The following KLHL2 variants were observed in gnomAD, a reference collection of about 807,000 sequenced individuals.
KLHL2 encodes the protein kelch-like protein 2.
In KLHL2, 15 loss-of-function variants were observed where a neutral mutation model predicts 75.8. The observed-to-expected ratio is 0.20, with a 90% CI of 0.13 to 0.30. KLHL2 has a LOEUF of 0.30. KLHL2 is among the 10% of genes least tolerant of loss of function. KLHL2 has a pLI of 1.00. For synonymous variants in KLHL2, 214 were observed against 251.9 expected, an observed-to-expected ratio of 0.85 and a Z score of 1.42; for missense variants, 381 against 741.0, an observed-to-expected ratio of 0.51 and a Z score of 5.64.
rs1003196765 is a variant in KLHL2 at position 165,207,610 on chromosome 4, G to T, written c.-267G>T. ...GCCGGGGCCGAACCCGGAAGTGGCC[G>T]AGCCCGCGCGCCCGCCGGTCCCGTC... On this transcript the variant is annotated 5_prime_UTR_variant, in exon 1 of 15. Transcript: ENST00000226725. The surrounding 1 kb of genome is among the most constrained non-coding windows in gnomAD (Gnocchi z 4.2). The T allele has an allele frequency of 6.7e-6, 1 of 149,112 alleles. No individual in the cohort carries two copies. The highest frequency in any genetic ancestry group is 6.7e-5 in the Admixed American group (1 of 14,912). The allele number at this position is 149,112 out of a possible 1,614,324, so 9.2% of individuals were successfully genotyped here.
At chr4:165,213,902 C>A (rs1737365458) in intron 1 of KLHL2, among the ~76,000 whole-genome samples, 1 of 152,180 alleles carries the variant, frequency 6.6e-6, no homozygotes. Flanking sequence ...ACTTTGTTTA[C>A]ATTCATATAG....
At chr4:165,225,168 A>T (rs1184911166) in intron 2 of KLHL2, among the ~76,000 whole-genome samples, 2 of 152,158 alleles carry the variant, frequency 1.3e-5, no homozygotes, top group Admixed American at 1.3e-4. Context: ...GTTTTATATT[A>T]AGCCTATCTA....
chr4:165,286,002 G>A (rs1179442911), intron 5 of KLHL2, among the ~76,000 whole-genome samples: 3 of 152,124 alleles, frequency 2.0e-5, no homozygotes, highest in Non-Finnish European at 4.4e-5. Flanking sequence ...CTCAGATTGG[G>A]CAAGATGTTT....
chr4:165,279,612 A>G (rs779783237), intron 5 of KLHL2: 27 of 1,611,142 alleles, frequency 1.7e-5, no homozygotes, highest in African/African-American at 2.7e-5. Flanking sequence ...GCCCCCACCA[A>G]TGGCCCCAAA....
chr4:165,229,674 C>CCCCAAAAGCTTCCTGT (rs1321304291), intron 3 of KLHL2, among the ~76,000 whole-genome samples: 6 of 152,174 alleles, frequency 3.9e-5, no homozygotes, highest in Non-Finnish European at 8.8e-5. Flanking sequence ...CAGCTTCCTG[C>CCCCAAAAGCTTCCTGT]CCCAAAAGCT....
intron 1 of KLHL2, among the ~76,000 whole-genome samples, chr4:165,217,780 T>A (rs1333951803): frequency 6.6e-6 from 1 of 152,218 alleles, no homozygotes; most frequent in African/African-American, 2.4e-5. Context: ...TGACTCCAGC[T>A]AAACTTTTCT....
At chr4:165,315,520 CTCAA>C (rs1320327738) in intron 13 of KLHL2, among the ~76,000 whole-genome samples, 1 of 152,164 alleles carries the variant, frequency 6.6e-6, no homozygotes, top group Non-Finnish European at 1.5e-5. Flanking sequence ...GTTTTTCCTT[CTCAA>C]TCAATGATGT....
At chr4:165,277,975 T>C (rs1308176522) in intron 5 of KLHL2, 1 of 1,165,584 alleles carries the variant, frequency 8.6e-7, no homozygotes. Context: ...ATCCATGAGT[T>C]GGTAGGTTTT....
Position 165,263,373 on chromosome 4 carries a change from A to T in KLHL2, c.544+14A>T, listed in dbSNP as rs202157143. The stretch of plus-strand genomic sequence containing the variant: ...ACACCTATGCAGGCAAGTGGAGTAG[A>T]CCTCAGCTGAATTTGGGAGGAAACT... On this transcript the variant is annotated intron_variant, in intron 5 of 14. Transcript: ENST00000226725. The T allele has an allele frequency of 6.8e-6, 11 of 1,607,566 alleles. No homozygotes were observed. The highest frequency in any genetic ancestry group is 9.4e-6 in the Non-Finnish European group (11 of 1,175,090).
chr4:165,259,238 G>A (rs1461444955), intron 4 of KLHL2, among the ~76,000 whole-genome samples: 1 of 152,024 alleles, frequency 6.6e-6, no homozygotes, highest in Admixed American at 6.6e-5. Flanking sequence ...AAGTAGCTGG[G>A]ATTACAGGTG....
chr4:165,310,131 A>G (rs1250609310), intron 9 of KLHL2, among the ~76,000 whole-genome samples: 1 of 152,086 alleles, frequency 6.6e-6, no homozygotes. Context: ...AGGTCAGGAG[A>G]TCAAGACCAC....
At chr4:165,308,664 CTAAGAGA>C (rs1354835051) in intron 9 of KLHL2, among the ~76,000 whole-genome samples, 1 of 152,070 alleles carries the variant, frequency 6.6e-6, no homozygotes, top group Non-Finnish European at 1.5e-5. Flanking sequence ...TATGTTACTT[CTAAGAGA>C]TGGCATATTT....
At chr4:165,273,096 T>C (rs1742819557) in intron 5 of KLHL2, among the ~76,000 whole-genome samples, 1 of 152,226 alleles carries the variant, frequency 6.6e-6, no homozygotes. Flanking sequence ...AGAATAGTAC[T>C]CATGATCCAA....
intron 3 of KLHL2, among the ~76,000 whole-genome samples, chr4:165,237,491 CT>C (rs1174779188): frequency 6.6e-6 from 1 of 151,168 alleles, no homozygotes; most frequent in African/African-American, 2.4e-5. Flanking sequence ...TTTCTGAGAT[CT>C]TGTCAAAGAT....
intron 5 of KLHL2, among the ~76,000 whole-genome samples, chr4:165,288,282 A>G (rs1014276589): frequency 6.6e-6 from 1 of 152,102 alleles, no homozygotes; most frequent in Admixed American, 6.6e-5. Flanking sequence ...TGGTCTTGGC[A>G]CTCTTGTCAA....
intron 13 of KLHL2, among the ~76,000 whole-genome samples, 188 bp downstream of exon 13, chr4:165,314,354 G>A (rs1167879340): frequency 6.6e-6 from 1 of 152,112 alleles, no homozygotes; most frequent in Non-Finnish European, 1.5e-5. Context: ...GCCTGCCATA[G>A]TCTCTGGAAC....
chr4:165,284,318 C>T (rs1397504737), intron 5 of KLHL2, among the ~76,000 whole-genome samples: 5 of 152,150 alleles, frequency 3.3e-5, no homozygotes, highest in Admixed American at 3.3e-4. Flanking sequence ...AACTGAATGC[C>T]TTTAACAGTA....
At chr4:165,229,831 G>C (rs564889108) in intron 3 of KLHL2, among the ~76,000 whole-genome samples, 19 of 152,390 alleles carry the variant, frequency 1.2e-4, no homozygotes, top group African/African-American at 4.3e-4. Flanking sequence ...GGATTGAGGG[G>C]TTTACACAGA....
At chr4:165,234,369 C>T (rs1739155712) in intron 3 of KLHL2, among the ~76,000 whole-genome samples, 1 of 152,078 alleles carries the variant, frequency 6.6e-6, no homozygotes, top group Non-Finnish European at 1.5e-5. Flanking sequence ...TTATTTATTT[C>T]TTAGAGTTTC....
Sources: allele counts gnomAD v4.1 joint callset (sites outside exome capture counted in the v4.1 genomes callset), GRCh38; gene constraint gnomAD v4.1.1; non-coding constraint Gnocchi (gnomAD v3.1); transcripts MANE v1.5; gene names NCBI Gene and HGNC (gene_info 2026-07-23, HGNC 2026-07-21).